The following HSPA4 variants were observed in gnomAD, a reference collection of about 807,000 sequenced individuals.
HSPA4 encodes heat shock protein family A (Hsp70) member 4.
A neutral mutation model predicts 106.2 loss-of-function variants in HSPA4; 25 were observed. The ratio of observed to expected loss-of-function variants is 0.24; its 90% CI spans 0.17 to 0.33. HSPA4 has a LOEUF of 0.33. Ranked by LOEUF, HSPA4 falls within the 10% of genes least tolerant of loss-of-function variation. The pLI is 1.00. For missense variants in HSPA4, 841 were observed against 996.0 expected (o/e 0.84, Z 2.10); for synonymous variants, 332 against 333.6 (o/e 1.00, Z 0.05).
chr5:133,092,806 G>GTTTTTTTTGTTTTTTTTTTTTTTTTT lies in HSPA4; in HGVS notation c.1650+25_1650+26insGTTTTTTTTTTTTTTTTTTTTTTTTT, dbSNP rs1765662599. On this transcript the variant is annotated intron_variant, in intron 13 of 18. Coordinates refer to ENST00000304858, the MANE Select transcript of HSPA4 (RefSeq NM_002154.4). The stretch of plus-strand genomic sequence containing the variant: ...GAAATGGAGGTATGCATTGGGTGGT[G>GTTTTTTTTGTTTTTTTTTTTTTTTTT]TTTTTTTTTTTTTTTTTTTTTTTTT... 5 of 474,012 alleles carry GTTTTTTTTGTTTTTTTTTTTTTTTTT rather than the reference G, an allele frequency of 1.1e-5. No homozygotes were observed. In the African/African-American group the frequency reaches 1.4e-4, roughly 13 times the overall value. 29.4% of individuals were successfully genotyped at this position (474,012 alleles called of 1,614,324 possible).
chr5:133,052,472 C>A, intron 1 of HSPA4, 115 bp downstream of exon 1: 4 of 707,336 alleles, frequency 5.7e-6, no homozygotes, highest in Non-Finnish European at 9.1e-6. Flanking sequence ...CGTTCCGAGC[C>A]GAGGTCCCGG....
chr5:133,068,454 C>T (rs1381508567), intron 3 of HSPA4, among the ~76,000 whole-genome samples: 2 of 151,936 alleles, frequency 1.3e-5, no homozygotes, highest in African/African-American at 4.8e-5. Flanking sequence ...GCGTGATTGG[C>T]TTTCCAGGCA....
At chr5:133,099,813 T>C (rs56704015) in intron 16 of HSPA4, among the ~76,000 whole-genome samples, 161 bp downstream of exon 16, 84 of 152,332 alleles carry the variant, frequency 5.5e-4, no homozygotes, top group African/African-American at 1.9e-3. Flanking sequence ...ATTCTCACTT[T>C]TAGAACCTTG....
chr5:133,089,620 T>C lies in HSPA4; in HGVS notation c.1303T>C (p.Tyr435His). The change falls in exon 11 of 19, where the codon TAT (tyrosine) becomes CAT (histidine). Residue 435 changes from tyrosine (Y) to histidine (H), a missense_variant. Transcript: ENST00000304858. Reference protein sequence around the residue: ...AAPFSKVLTFYRKEPFTLEAY... With the variant: ...AAPFSKVLTFHRKEPFTLEAY... ...TCCTTTCTCTAAAGTTCTTACATTTTATAGAAAGGAACCTTTCACTCTTGA... is the reference window on the plus strand; with the variant it reads ...TCCTTTCTCTAAAGTTCTTACATTTCATAGAAAGGAACCTTTCACTCTTGA... 6.2e-7 allele frequency: 1 copy of C among 1,613,032 alleles called. No homozygotes were observed. The highest frequency in any genetic ancestry group is 8.5e-7 in the Non-Finnish European group (1 of 1,179,132).
At chr5:133,065,525 C>T (rs931683426) in intron 2 of HSPA4, among the ~76,000 whole-genome samples, 2 of 152,202 alleles carry the variant, frequency 1.3e-5, no homozygotes, top group African/African-American at 4.8e-5. Context: ...TGAGAAGCAC[C>T]TGGCCTTAAA....
intron 7 of HSPA4, among the ~76,000 whole-genome samples, chr5:133,084,109 C>G (rs1765549298): frequency 6.6e-6 from 1 of 152,218 alleles, no homozygotes; most frequent in African/African-American, 2.4e-5. Flanking sequence ...CTCAGGCTTC[C>G]ATAACCACTG....
chr5:133,102,580 G>A (rs149716253), intron 17 of HSPA4, among the ~76,000 whole-genome samples: 3 of 152,010 alleles, frequency 2.0e-5, no homozygotes. Flanking sequence ...CAACATTCAG[G>A]GTCACTAAAT....
chr5:133,090,029 A>G (rs1765625658), intron 11 of HSPA4, among the ~76,000 whole-genome samples: 1 of 152,214 alleles, frequency 6.6e-6, no homozygotes. Flanking sequence ...TTGTATCGGC[A>G]GTTTTTCTTG....
intron 7 of HSPA4, 26 bp from the exon 8 acceptor site, chr5:133,086,756 T>TTTTTG (rs200608379): frequency 1.4e-5 from 22 of 1,546,336 alleles, no homozygotes; most frequent in Non-Finnish European, 2.0e-5. Flanking sequence ...TGTACTGTGT[T>TTTTTG]TTTTGTTTTG....
intron 1 of HSPA4, among the ~76,000 whole-genome samples, chr5:133,055,876 G>A (rs1487096197): frequency 6.6e-6 from 1 of 152,042 alleles, no homozygotes; most frequent in African/African-American, 2.4e-5. Flanking sequence ...TCAGGAGTTC[G>A]CAACCAGCCT....
intron 4 of HSPA4, 80 bp downstream of exon 4, chr5:133,070,576 GT>G (rs1300043120): frequency 3.3e-6 from 5 of 1,530,208 alleles, no homozygotes; most frequent in East Asian, 4.6e-5. Context: ...AAGTAAACTT[GT>G]TTTTTTGTCT....
intron 7 of HSPA4, among the ~76,000 whole-genome samples, chr5:133,085,912 A>G (rs569213373): frequency 2.0e-4 from 30 of 152,338 alleles, no homozygotes; most frequent in African/African-American, 7.2e-4. Context: ...GCATTGACTC[A>G]TTAATTGTAA....
intron 6 of HSPA4, 126 bp downstream of exon 6, chr5:133,074,252 G>T: frequency 4.0e-6 from 2 of 501,914 alleles, no homozygotes; most frequent in Non-Finnish European, 6.7e-6. Flanking sequence ...GTTATTCAGA[G>T]GATTTTTTTT....
intron 8 of HSPA4, among the ~76,000 whole-genome samples, chr5:133,087,370 T>G (rs893446725): frequency 2.0e-5 from 3 of 152,168 alleles, no homozygotes; most frequent in Admixed American, 2.0e-4. Flanking sequence ...TTGATTGCTA[T>G]TTCAGAGTGT....
In HSPA4 at chr5:133,052,029, C is replaced by T; in HGVS notation, c.-222C>T. 1 of 539,320 alleles carries T rather than the reference C, an allele frequency of 1.9e-6. No homozygotes were observed. The highest frequency in any genetic ancestry group is 3.3e-6 in the Non-Finnish European group (1 of 304,314). 33.4% of individuals were successfully genotyped at this position (539,320 alleles called of 1,614,324 possible). On this transcript the variant is annotated 5_prime_UTR_variant, in exon 1 of 19. Transcript: ENST00000304858. ...AGATCTTTCGAGATCTTCTCCGCCC[C>T]CGCTACCGGCGCCTCCTCTGCGGCC...
intron 1 of HSPA4, among the ~76,000 whole-genome samples, chr5:133,056,128 A>C (rs1297071770): frequency 6.6e-6 from 1 of 152,170 alleles, no homozygotes; most frequent in Non-Finnish European, 1.5e-5. Flanking sequence ...CTGAGACCTG[A>C]GGATGAGTAG....
At chr5:133,059,766 A>T (rs920677677) in intron 1 of HSPA4, among the ~76,000 whole-genome samples, 9 of 152,178 alleles carry the variant, frequency 5.9e-5, no homozygotes, top group Non-Finnish European at 2.9e-5. Context: ...CTCAGAGAAT[A>T]TAGGATTATC....
At chr5:133,099,715 A>C in intron 16 of HSPA4, 63 bp downstream of exon 16, 1 of 763,270 alleles carries the variant, frequency 1.3e-6, no homozygotes, top group Non-Finnish European at 2.2e-6. Flanking sequence ...TGAGGAGCTC[A>C]AATTTGGGAG....
intron 7 of HSPA4, among the ~76,000 whole-genome samples, chr5:133,085,676 G>A (rs190587004): frequency 7.4e-4 from 112 of 151,004 alleles, no homozygotes; most frequent in Admixed American, 2.9e-3. Context: ...AAGCCCTGCC[G>A]CCCCCGCCCC....
Sources: allele counts gnomAD v4.1 joint callset (sites outside exome capture counted in the v4.1 genomes callset), GRCh38; gene constraint gnomAD v4.1.1; transcripts MANE v1.5; gene names NCBI Gene and HGNC (gene_info 2026-07-23, HGNC 2026-07-21).